The following SUPT5H variants were observed in gnomAD, a reference collection of about 807,000 sequenced individuals.
SUPT5H encodes the protein transcription elongation factor SPT5.
In SUPT5H, 24 loss-of-function variants were observed where a neutral mutation model predicts 142.5. That is an observed-to-expected ratio of 0.17 (90% CI 0.12 to 0.24). SUPT5H has a LOEUF of 0.24. Ranked by LOEUF, SUPT5H falls within the 10% of genes least tolerant of loss-of-function variation. SUPT5H has a pLI of 1.00. For missense variants in SUPT5H, 893 were observed against 1,471.8 expected (o/e 0.61, Z 6.43); for synonymous variants, 546 against 553.0 (o/e 0.99, Z 0.18).
At chr19:39,461,200 G>C (rs2079156402) in intron 10 of SUPT5H, among the ~76,000 whole-genome samples, 1 of 152,130 alleles carries the variant, frequency 6.6e-6, no homozygotes, top group Non-Finnish European at 1.5e-5. Context: ...TGAGGCAGGA[G>C]AATCACTTGA....
At position 39,469,705 on chromosome 19, in the gene SUPT5H, C is replaced by T. The variant is rs34946116; in HGVS notation, c.1374+307C>T. On this transcript the variant is annotated intron_variant, in intron 16 of 29. Transcript: ENST00000432763. The surrounding 1 kb of genome is among the most constrained non-coding windows in gnomAD (Gnocchi z 5.1). ...AACCAAGGAGTAATCTGAGGCTTGA[C>T]TTTGTTTGCTTAGAGCGGGGTGTGT... 0.16 allele frequency: 80,879 copies of T among 513,364 alleles called. 6,803 individuals carry two copies. Among genetic ancestry groups the T allele is most frequent in the Non-Finnish European group, 0.17 (48,687 of 281,794 alleles). 31.8% of individuals were successfully genotyped at this position (513,364 alleles called of 1,614,324 possible).
At chr19:39,456,661 A>G (rs1600703094) in intron 3 of SUPT5H, among the ~76,000 whole-genome samples, 1 of 151,708 alleles carries the variant, frequency 6.6e-6, no homozygotes. Flanking sequence ...CTCATGATCC[A>G]CCCGCCTCGG....
At chr19:39,446,096 A>G (rs1256822981) in intron 2 of SUPT5H, 131 bp downstream of exon 2, 3 of 1,034,146 alleles carry the variant, frequency 2.9e-6, no homozygotes, top group Non-Finnish European at 4.3e-6. Flanking sequence ...GTCTCAAGAG[A>G]TAGAGAATTA....
intron 28 of SUPT5H, chr19:39,475,118 A>C: frequency 4.3e-6 from 1 of 234,050 alleles, no homozygotes. Context: ...AGTGCTTCAC[A>C]CCTGTAATCC....
intron 9 of SUPT5H, 139 bp from the exon 10 acceptor site, chr19:39,459,753 C>A: frequency 7.8e-7 from 1 of 1,285,616 alleles, no homozygotes; most frequent in Non-Finnish European, 1.1e-6. Context: ...CTCCCACCTC[C>A]ATCTTCCTGG....
At position 39,473,620 on chromosome 19, in the gene SUPT5H, C is replaced by T; in HGVS notation, c.2492+99C>T. 7.6e-7 allele frequency: 1 copy of T among 1,314,730 alleles called. No homozygotes were observed. The highest frequency in any genetic ancestry group is 1.0e-6 in the Non-Finnish European group (1 of 961,496). The allele number at this position is 1,314,730 out of a possible 1,614,324, so 81.4% of individuals were successfully genotyped here. ...GGAGGGGTTTGTGGGGCCCACCCAG[C>T]ATTCTCTGCTCCTAGCCTCAGGCTG... On this transcript the variant is annotated intron_variant, in intron 25 of 29. Transcript: ENST00000432763. This position sits in a 1 kb window ranked among gnomAD's most constrained non-coding sequence, Gnocchi z 5.8.
chr19:39,459,598 T>C lies in SUPT5H; in HGVS notation c.555+9T>C, dbSNP rs369098114. On this transcript the variant is annotated intron_variant, in intron 9 of 29. Coordinates refer to ENST00000432763, the MANE Select transcript of SUPT5H (RefSeq NM_001111020.3). Reference sequence around the variant, plus strand: ...GGACTGTCAAATGTAAGGTATGTGCTCTGATCTCGGGGCTTGGAGGAGGTG... The same window carrying C: ...GGACTGTCAAATGTAAGGTATGTGCCCTGATCTCGGGGCTTGGAGGAGGTG... 5.4e-5 allele frequency: 87 copies of C among 1,613,782 alleles called. No homozygotes were observed. The highest frequency in any genetic ancestry group is 7.2e-5 in the Non-Finnish European group (85 of 1,179,928).
At chr19:39,456,669 C>T (rs958311933) in intron 3 of SUPT5H, among the ~76,000 whole-genome samples, 37 of 152,064 alleles carry the variant, frequency 2.4e-4, no homozygotes, top group Admixed American at 2.0e-4. Flanking sequence ...CCACCCGCCT[C>T]GGCCTCCCAA....
At chr19:39,465,370 A>T (rs1038099392) in intron 11 of SUPT5H, among the ~76,000 whole-genome samples, 7 of 152,142 alleles carry the variant, frequency 4.6e-5, no homozygotes, top group Non-Finnish European at 1.0e-4. Context: ...GCGTGAGATG[A>T]GTTAGGGAGC....
Position 39,466,845 on chromosome 19 carries a change from T to A in SUPT5H, c.1037+100T>A. Reference sequence around the variant, plus strand: ...CCCAGGGGTGGCCCCGCCACAGGTTTAGCCTGTGAATTGGTTAGCTTGGCA... The same window carrying A: ...CCCAGGGGTGGCCCCGCCACAGGTTAAGCCTGTGAATTGGTTAGCTTGGCA... On this transcript the variant is annotated intron_variant, in intron 13 of 29. Coordinates refer to ENST00000432763, the MANE Select transcript of SUPT5H (RefSeq NM_001111020.3). The surrounding 1 kb of genome is among the most constrained non-coding windows in gnomAD (Gnocchi z 4.3). 6.0e-6 allele frequency: 7 copies of A among 1,160,330 alleles called. No individual in the cohort carries two copies. The highest frequency in any genetic ancestry group is 9.1e-6 in the Non-Finnish European group (7 of 773,036). 71.9% of individuals were successfully genotyped at this position (1,160,330 alleles called of 1,614,324 possible).
rs113012569 is a variant in SUPT5H at position 39,456,038 on chromosome 19, T to C, written c.242-1637T>C. The stretch of plus-strand genomic sequence containing the variant: ...GCCTCCCGGATTCAAGGGATTCTCC[T>C]GTCTCAGCTTCCCGAGTAGCTGGGA... On this transcript the variant is annotated intron_variant, in intron 3 of 29. Transcript: ENST00000432763. Among the ~76,000 whole-genome samples, 287 of 148,526 alleles carry C rather than the reference T, an allele frequency of 1.9e-3. 1 individual carries two copies. The highest frequency in any genetic ancestry group is 6.7e-3 in the African/African-American group (271 of 40,226).
chr19:39,461,594 G>A (rs926332954), intron 10 of SUPT5H, among the ~76,000 whole-genome samples: 10 of 152,134 alleles, frequency 6.6e-5, no homozygotes, highest in African/African-American at 2.4e-4. Flanking sequence ...AGACTGAGGC[G>A]TGTGGATCAC....
chr19:39,469,735 G>T lies in SUPT5H; in HGVS notation c.1374+337G>T, dbSNP rs2079293048. Reference sequence around the variant, plus strand: ...TTTGCTTAGAGCGGGGTGTGTGTTTGTCTGTGTCTGGTGTATGTCTGAGGG... The same window carrying T: ...TTTGCTTAGAGCGGGGTGTGTGTTTTTCTGTGTCTGGTGTATGTCTGAGGG... On this transcript the variant is annotated intron_variant, in intron 16 of 29. Coordinates refer to ENST00000432763, the MANE Select transcript of SUPT5H (RefSeq NM_001111020.3). The surrounding 1 kb of genome is among the most constrained non-coding windows in gnomAD (Gnocchi z 5.1). 4.1e-6 allele frequency: 2 copies of T among 493,790 alleles called. No homozygotes were observed. The highest frequency in any genetic ancestry group is 7.4e-6 in the Non-Finnish European group (2 of 269,656). 30.6% of individuals were successfully genotyped at this position (493,790 alleles called of 1,614,324 possible). A position where few individuals can be genotyped will look rare whatever the true frequency, so the allele number is the denominator to read the frequency against.
chr19:39,470,662 G>C lies in SUPT5H; in HGVS notation c.1677+139G>C, dbSNP rs2079306731. ...CTCTGTCACTTACATCTGAATGGCT[G>C]ATAGTGGGCACATGGCAAGTCATTG... On this transcript the variant is annotated intron_variant, in intron 18 of 29. Coordinates refer to ENST00000432763, the MANE Select transcript of SUPT5H (RefSeq NM_001111020.3). The surrounding 1 kb of genome is among the most constrained non-coding windows in gnomAD (Gnocchi z 5.8). 5 of 985,528 alleles carry C rather than the reference G, an allele frequency of 5.1e-6. No homozygotes were observed. The South Asian group carries it at 1.1e-4, about 21-fold the overall frequency. The allele number at this position is 985,528 out of a possible 1,614,324, so 61.0% of individuals were successfully genotyped here.
chr19:39,472,476 T>C lies in SUPT5H; in HGVS notation c.2018T>C (p.Met673Thr), dbSNP rs933657450. Residue 673 changes from methionine (M) to threonine (T), a missense_variant, in exon 21 of 30, where the codon ATG (methionine) becomes ACG (threonine). By Grantham distance (81) the Met-to-Thr change is moderately conservative. This residue lies in a region of SUPT5H where 428 missense variants were observed against 763.5 expected (regional missense o/e 0.56). Transcript: ENST00000432763. The surrounding 1 kb of genome is among the most constrained non-coding windows in gnomAD (Gnocchi z 4.2). The part of the protein sequence containing the change: ...APMSPRISSP[M>T]HPSAGGQRGG... The stretch of plus-strand genomic sequence containing the variant: ...ATGAGTCCCCGGATCAGCAGCCCCA[T>C]GCACCCCAGTGCTGGAGGTGAGAGG... The C allele has an allele frequency of 3.1e-6, 5 of 1,613,850 alleles. No homozygotes were observed. The highest frequency in any genetic ancestry group is 1.3e-5 in the African/African-American group (1 of 74,900).
rs373417384 is a variant in SUPT5H at position 39,453,369 on chromosome 19, G to A, written c.89G>A (p.Arg30Gln). 31 of 1,604,584 alleles carry A rather than the reference G, an allele frequency of 1.9e-5. 1 individual carries two copies. In the South Asian group the frequency reaches 2.0e-4, roughly 10 times the overall value. Residue 30 changes from arginine to glutamine, a missense_variant, in exon 3 of 30, where the codon CGG becomes CAG. Around this residue, in one of 6 missense-constraint regions of SUPT5H, gnomAD observed 70 missense variants for 70.5 expected, o/e 0.99. Coordinates refer to ENST00000432763, the MANE Select transcript of SUPT5H (RefSeq NM_001111020.3). Reference protein sequence around the residue: ...DGEEAEVDEERRSAAGSEKEE... With the variant: ...DGEEAEVDEEQRSAAGSEKEE... Reference sequence around the variant, plus strand: ...TGACCCCTGTAGGTAGACGAAGAGCGGCGGAGTGCAGCGGGCAGTGAGAAA... The same window carrying A: ...TGACCCCTGTAGGTAGACGAAGAGCAGCGGAGTGCAGCGGGCAGTGAGAAA...
chr19:39,466,006 G>A lies in SUPT5H; in HGVS notation c.877-474G>A, dbSNP rs993770430. Among the ~76,000 whole-genome samples, 1 of 152,300 alleles carries A rather than the reference G, an allele frequency of 6.6e-6. No individual in the cohort carries two copies. Among genetic ancestry groups the A allele is most frequent in the Admixed American group, 6.5e-5 (1 of 15,298 alleles). On this transcript the variant is annotated intron_variant, in intron 11 of 29. Coordinates refer to ENST00000432763, the MANE Select transcript of SUPT5H (RefSeq NM_001111020.3). The surrounding 1 kb of genome is among the most constrained non-coding windows in gnomAD (Gnocchi z 4.3). ...CGAGCATCATGTTGGTGCTCACAGG[G>A]TTTCCTATTTTTGAGCATTTTGGGT...
chr19:39,455,778 ACGC>A, intron 3 of SUPT5H, among the ~76,000 whole-genome samples: 3 of 150,136 alleles, frequency 2.0e-5, no homozygotes, highest in Non-Finnish European at 4.4e-5. Context: ...GCCTGCCACT[ACGC>A]CCAGCTAATT....
In SUPT5H at chr19:39,466,454, G is replaced by C. The variant is rs1052046479; in HGVS notation, c.877-26G>C. The C allele has an allele frequency of 5.0e-6, 8 of 1,609,440 alleles. No individual in the cohort carries two copies. The Admixed American group carries it at 1.2e-4, about 23-fold the overall frequency. On this transcript the variant is annotated intron_variant, in intron 11 of 29. Transcript: ENST00000432763. This position sits in a 1 kb window ranked among gnomAD's most constrained non-coding sequence, Gnocchi z 4.3. ...GGGTCAGGGAGGAGAGTGGGGCCCT[G>C]CTGACCTTCTGCTCGCCCTGCTCAG...
Sources: allele counts gnomAD v4.1 joint callset (sites outside exome capture counted in the v4.1 genomes callset), GRCh38; gene constraint gnomAD v4.1.1; regional missense constraint gnomAD v4.1.1; non-coding constraint Gnocchi (gnomAD v3.1); transcripts MANE v1.5; gene names NCBI Gene and HGNC (gene_info 2026-07-23, HGNC 2026-07-21).